Variants in SUMF1 observed in about 807,000 individuals in gnomAD.
SUMF1 encodes the protein sulfatase modifying factor 1, also known as formylglycine-generating enzyme.
SUMF1 carries 48 observed loss-of-function variants against 47.6 expected under a neutral mutation model. The ratio of observed to expected loss-of-function variants is 1.01; its 90% CI spans 0.80 to 1.28. The LOEUF (loss-of-function observed/expected upper bound fraction) is 1.28. SUMF1 is among the 50% of genes most tolerant of loss of function. The pLI is 0.00. For missense variants in SUMF1, 571 were observed against 485.4 expected, an observed-to-expected ratio of 1.18 and a Z score of -1.66; for synonymous variants, 230 against 192.1, an observed-to-expected ratio of 1.20 and a Z score of -1.63.
At position 4,234,652 on chromosome 3, in the gene SUMF1, A is replaced by C. The variant is rs1696370421; in HGVS notation, c.1014+141678T>G. On this transcript the variant is annotated intron_variant and NMD_transcript_variant, in intron 8 of 12. Coordinates refer to the SUMF1 transcript ENST00000448413. ...AAGAAGTAAAAATTTCCCTGCAAACACCTATTAGTGGTTCCTATTCCAGAC... is the reference window on the plus strand; with the variant it reads ...AAGAAGTAAAAATTTCCCTGCAAACCCCTATTAGTGGTTCCTATTCCAGAC... 2.0e-5 allele frequency among the ~76,000 whole-genome samples: 3 copies of C among 152,236 alleles called. No homozygotes were observed. The South Asian group carries it at 6.2e-4, about 32-fold the overall frequency.
chr3:4,291,187 A>T (rs1328604807), intron 8 of SUMF1, among the ~76,000 whole-genome samples: 1 of 152,208 alleles, frequency 6.6e-6, no homozygotes, highest in Non-Finnish European at 1.5e-5. Flanking sequence ...AAAACATTCA[A>T]TTGTTAAATG....
chr3:4,291,798 C>T (rs550018856), intron 8 of SUMF1, among the ~76,000 whole-genome samples: 9 of 152,272 alleles, frequency 5.9e-5, no homozygotes, highest in South Asian at 2.1e-4. Flanking sequence ...TTGATGTGGG[C>T]CACATTTCCA....
At chr3:4,428,791 T>C (rs1237801826) in intron 3 of SUMF1, among the ~76,000 whole-genome samples, 5 of 152,266 alleles carry the variant, frequency 3.3e-5, no homozygotes, top group African/African-American at 7.2e-5. Context: ...ATCAAATTAA[T>C]GTTCATTAAA....
intron 8 of SUMF1, among the ~76,000 whole-genome samples, chr3:4,109,294 G>A (rs1207083383): frequency 5.9e-5 from 9 of 152,174 alleles, no homozygotes; most frequent in East Asian, 5.8e-4. Flanking sequence ...AGAGAGATCC[G>A]CTGTAAGTCT....
intron 8 of SUMF1, among the ~76,000 whole-genome samples, chr3:4,123,691 T>C (rs1693595119): frequency 6.6e-6 from 1 of 152,188 alleles, no homozygotes; most frequent in Non-Finnish European, 1.5e-5. Context: ...ACCATTGTTC[T>C]GGTCCCAATT....
At chr3:4,317,503 T>G in intron 8 of SUMF1, 1 of 321,568 alleles carries the variant, frequency 3.1e-6, no homozygotes, top group Non-Finnish European at 5.7e-6. Flanking sequence ...GGCAACATAG[T>G]GAGACCCTGA....
At chr3:4,325,763 A>G (rs1698932053) in intron 8 of SUMF1, among the ~76,000 whole-genome samples, 1 of 152,304 alleles carries the variant, frequency 6.6e-6, no homozygotes, top group South Asian at 2.1e-4. Flanking sequence ...AAATTGATTA[A>G]TGTTAGTTTG....
At chr3:4,302,428 T>C (rs1575065500) in intron 8 of SUMF1, among the ~76,000 whole-genome samples, 1 of 152,098 alleles carries the variant, frequency 6.6e-6, no homozygotes, top group Non-Finnish European at 1.5e-5. Flanking sequence ...CAATAAGAGG[T>C]TGTGGATACC....
intron 8 of SUMF1, among the ~76,000 whole-genome samples, chr3:4,226,076 T>C (rs1696164815): frequency 6.6e-6 from 1 of 152,042 alleles, no homozygotes. Context: ...GAGAAACTTC[T>C]GGCCCACTCC....
At chr3:4,457,096 T>TATATATACGTGTGTGTATATATATA in intron 1 of SUMF1, among the ~76,000 whole-genome samples, 1 of 120,826 alleles carries the variant, frequency 8.3e-6, no homozygotes, top group South Asian at 2.6e-4. Flanking sequence ...ATATATATAT[T>TATATATACGTGTGTGTATATATATA]TTTTTTGTTT....
intron 7 of SUMF1, among the ~76,000 whole-genome samples, chr3:4,403,751 A>G (rs145746142): frequency 1.3e-5 from 2 of 152,330 alleles, no homozygotes; most frequent in East Asian, 1.9e-4. Flanking sequence ...TTGGAGAGTT[A>G]CTGTTCACCA....
chr3:4,117,328 C>A (rs1378989599), intron 8 of SUMF1, among the ~76,000 whole-genome samples: 1 of 151,426 alleles, frequency 6.6e-6, no homozygotes, highest in Non-Finnish European at 1.5e-5. Flanking sequence ...AAATGAGTTA[C>A]AGAATACAAC....
At chr3:4,463,787 C>T (rs1434797886) in intron 1 of SUMF1, among the ~76,000 whole-genome samples, 1 of 152,222 alleles carries the variant, frequency 6.6e-6, no homozygotes, top group African/African-American at 2.4e-5. Context: ...TTTCAAATAA[C>T]TCTTCTAAAA....
chr3:4,334,210 T>G (rs1575106448), intron 8 of SUMF1, among the ~76,000 whole-genome samples: 1 of 152,210 alleles, frequency 6.6e-6, no homozygotes, highest in East Asian at 1.9e-4. Context: ...AGGCTAGATA[T>G]CAGCTTCTAA....
chr3:4,121,418 C>T (rs780859167), intron 8 of SUMF1, among the ~76,000 whole-genome samples: 5 of 152,068 alleles, frequency 3.3e-5, no homozygotes, highest in Non-Finnish European at 7.4e-5. Context: ...ATTATAGTCT[C>T]TTTGTTTTAT....
At chr3:4,259,849 T>C (rs1697047016) in intron 8 of SUMF1, among the ~76,000 whole-genome samples, 1 of 151,904 alleles carries the variant, frequency 6.6e-6, no homozygotes, top group African/African-American at 2.4e-5. Flanking sequence ...AAACAACCCA[T>C]AATTTACTAC....
At chr3:4,168,050 T>C (rs1349220164) in intron 8 of SUMF1, among the ~76,000 whole-genome samples, 4 of 152,170 alleles carry the variant, frequency 2.6e-5, no homozygotes. Context: ...TAAAACTCCC[T>C]TGGGCACTTG....
intron 7 of SUMF1, among the ~76,000 whole-genome samples, chr3:4,410,560 T>G (rs1260299358): frequency 6.6e-6 from 1 of 152,186 alleles, no homozygotes; most frequent in Non-Finnish European, 1.5e-5. Flanking sequence ...TTATAGTTAT[T>G]TATATATCAT....
Position 4,075,300 on chromosome 3 carries a change from G to A in SUMF1, c.1015-6555C>T, listed in dbSNP as rs781322351. Among the ~76,000 whole-genome samples the A allele has an allele frequency of 5.9e-5, 9 of 152,016 alleles. 1 individual carries two copies. Among genetic ancestry groups the A allele is most frequent in the Non-Finnish European group, 1.2e-4 (8 of 68,026 alleles). Reference sequence around the variant, plus strand: ...TTGACAAAATTCAACAGCCCTTCATGCTAAAAACTCTCAATAAACTAGGTA... The same window carrying A: ...TTGACAAAATTCAACAGCCCTTCATACTAAAAACTCTCAATAAACTAGGTA... On this transcript the variant is annotated intron_variant and NMD_transcript_variant, in intron 8 of 12. Coordinates refer to the SUMF1 transcript ENST00000448413.
Sources: gnomAD v4.1 joint callset for allele counts (sites outside exome capture counted in the v4.1 genomes callset) on GRCh38, gnomAD v4.1.1 for gene constraint, MANE v1.5 for transcripts, NCBI Gene and HGNC (gene_info 2026-07-23, HGNC 2026-07-21) for gene names.